Variants in HSD11B1L observed in about 807,000 individuals in gnomAD.
HSD11B1L encodes the protein hydroxysteroid 11-beta-dehydrogenase 1-like protein.
HSD11B1L carries 22 observed loss-of-function variants against 27.0 expected under a neutral mutation model. The ratio of observed to expected loss-of-function variants is 0.81; its 90% confidence interval spans 0.58 to 1.16. The LOEUF is 1.16. HSD11B1L is among the 50% of genes most tolerant of loss of function. HSD11B1L has a pLI of 0.00. For missense variants in HSD11B1L, 372 were observed against 401.8 expected (o/e 0.93, Z 0.63); for synonymous variants, 187 against 189.2 (o/e 0.99, Z 0.09).
intron 1 of HSD11B1L, among the ~76,000 whole-genome samples, chr19:5,682,099 G>A (rs770069990): frequency 1.1e-4 from 17 of 152,244 alleles, no homozygotes; most frequent in South Asian, 4.1e-4. Flanking sequence ...AGATGGGGCC[G>A]TGGGAGAGAA....
In HSD11B1L at chr19:5,684,974, C is replaced by T. The variant is rs372234338; in HGVS notation, c.74-15C>T. The stretch of plus-strand genomic sequence containing the variant: ...CCTGTCCTCCGCCCAGAGTGACCAC[C>T]CCGGCTATGGCCAGCCAGCCTCCAG... On this transcript the variant is annotated splice_polypyrimidine_tract_variant and intron_variant, in intron 2 of 7. Transcript: ENST00000339423. 11 of 1,611,400 alleles carry T rather than the reference C, an allele frequency of 6.8e-6. No individual in the cohort carries two copies. The highest frequency in any genetic ancestry group is 9.3e-6 in the Non-Finnish European group (11 of 1,179,012).
chr19:5,687,801 C>T lies in HSD11B1L; in HGVS notation c.717C>T (p.Ala239=), dbSNP rs569248499. ...KAAPGPKAAL[A]VIRGGATRAA... Reference sequence around the variant, plus strand: ...CCCCGGGGCCCAAGGCAGCCCTGGCCGTGATCCGCGGCGGCGCCACGCGCG... The same window carrying T: ...CCCCGGGGCCCAAGGCAGCCCTGGCTGTGATCCGCGGCGGCGCCACGCGCG... The change falls in exon 8 of 8, where the codon GCC becomes GCT. Residue 239 remains alanine (A), a synonymous_variant. Coordinates refer to ENST00000339423, the MANE Select transcript of HSD11B1L (RefSeq NM_198706.3). The surrounding 1 kb of genome is among the most constrained non-coding windows in gnomAD (Gnocchi z 6.6). 4.0e-6 allele frequency: 6 copies of T among 1,515,904 alleles called. No homozygotes were observed. The highest frequency in any genetic ancestry group is 2.8e-5 in the African/African-American group (2 of 71,784). 93.9% of individuals were successfully genotyped at this position (1,515,904 alleles called of 1,614,324 possible). A position where few individuals can be genotyped will look rare whatever the true frequency, so the allele number is the denominator to read the frequency against.
In HSD11B1L at chr19:5,688,445, C is replaced by T. The variant is rs2054767926; in HGVS notation, c.*500C>T. Reference sequence around the variant, plus strand: ...CGTCTACCTGGTGGCAGGGTCTGAGCGGGAGGAGGAGGGAAAGAGTGTGTT... The same window carrying T: ...CGTCTACCTGGTGGCAGGGTCTGAGTGGGAGGAGGAGGGAAAGAGTGTGTT... On this transcript the variant is annotated 3_prime_UTR_variant, in exon 8 of 8. Coordinates refer to ENST00000339423, the MANE Select transcript of HSD11B1L (RefSeq NM_198706.3). 1.3e-5 allele frequency: 7 copies of T among 529,322 alleles called. No homozygotes were observed. Among genetic ancestry groups the T allele is most frequent in the South Asian group, 2.5e-5 (1 of 40,000 alleles). The allele number at this position is 529,322 out of a possible 1,614,324, so 32.8% of individuals were successfully genotyped here.
At position 5,688,230 on chromosome 19, in the gene HSD11B1L, C is replaced by G; in HGVS notation, c.*285C>G. ...TGCTTCCATTTTGCAGATGAGGAAA[C>G]TAAGGCTCAGAGAGGCCACGCCACC... On this transcript the variant is annotated 3_prime_UTR_variant, in exon 8 of 8. Transcript: ENST00000339423. The G allele has an allele frequency of 7.9e-6, 12 of 1,526,342 alleles. No homozygotes were observed. Among genetic ancestry groups the G allele is most frequent in the Non-Finnish European group, 1.1e-5 (12 of 1,135,152 alleles). The allele number at this position is 1,526,342 out of a possible 1,614,324, so 94.5% of individuals were successfully genotyped here.
In HSD11B1L at chr19:5,687,365, C is replaced by T. The variant is rs2145559889; in HGVS notation, c.492C>T (p.Ser164=). Reference sequence around the variant, plus strand: ...GCAAGGGCTCCCTGGTGGTGGTGTCCTCGCTGCTCGGTGCGTGCACCCGGC... The same window carrying T: ...GCAAGGGCTCCCTGGTGGTGGTGTCTTCGCTGCTCGGTGCGTGCACCCGGC... ...TDSKGSLVVV[S]SLLGRVPTSF... is the part of the protein sequence containing the mutation. The change falls in exon 6 of 8, where the codon TCC becomes TCT. Residue 164 remains serine (S), a synonymous_variant. Coordinates refer to ENST00000339423, the MANE Select transcript of HSD11B1L (RefSeq NM_198706.3). The surrounding 1 kb of genome is among the most constrained non-coding windows in gnomAD (Gnocchi z 6.6). 1 of 1,612,172 alleles carries T rather than the reference C, an allele frequency of 6.2e-7. No individual in the cohort carries two copies. The highest frequency in any genetic ancestry group is 8.5e-7 in the Non-Finnish European group (1 of 1,179,682).
chr19:5,684,397 C>T (rs1264637454), intron 1 of HSD11B1L: 4 of 346,840 alleles, frequency 1.2e-5, no homozygotes, highest in Admixed American at 4.3e-5. Flanking sequence ...GCATTCTAGG[C>T]AGTAGGAACA....
Position 5,684,826 on chromosome 19 carries a change from C to G in HSD11B1L, c.-7C>G, listed in dbSNP as rs1599421711. The G allele has an allele frequency of 1.2e-6, 2 of 1,613,758 alleles. No homozygotes were observed. The highest frequency in any genetic ancestry group is 1.6e-4 in the Middle Eastern group (1 of 6,062). On this transcript the variant is annotated 5_prime_UTR_variant, in exon 2 of 8. Coordinates refer to ENST00000339423, the MANE Select transcript of HSD11B1L (RefSeq NM_198706.3). The stretch of plus-strand genomic sequence containing the variant: ...TCCCCTGTCCCTCTGCAGGCCCACA[C>G]AGGACCATGAAGGTGCTTCTCCTCA...
At chr19:5,684,680 G>A in intron 1 of HSD11B1L, 139 bp from the exon 2 acceptor site, 2 of 1,398,346 alleles carry the variant, frequency 1.4e-6, no homozygotes, top group South Asian at 2.7e-5. Flanking sequence ...AGCCACCGTG[G>A]TGGCCTGGAC....
rs2054715810 is a variant in HSD11B1L at position 5,687,081 on chromosome 19, G to A, written c.408+90G>A. 7.9e-7 allele frequency: 1 copy of A among 1,265,124 alleles called. No individual in the cohort carries two copies. 78.4% of individuals were successfully genotyped at this position (1,265,124 alleles called of 1,614,324 possible). ...CGCGGTCCGGGTTCTGCCTTCTCCA[G>A]GGAGGGCTCTCCACCCGTCCCGCCC... On this transcript the variant is annotated intron_variant, in intron 5 of 7. Coordinates refer to ENST00000339423, the MANE Select transcript of HSD11B1L (RefSeq NM_198706.3). This position sits in a 1 kb window ranked among gnomAD's most constrained non-coding sequence, Gnocchi z 6.6.
chr19:5,688,047 A>C lies in HSD11B1L; in HGVS notation c.*102A>C, dbSNP rs1480865346. 5.2e-6 allele frequency: 8 copies of C among 1,551,454 alleles called. No homozygotes were observed. Among genetic ancestry groups the C allele is most frequent in the Middle Eastern group, 1.7e-4 (1 of 6,014 alleles). Reference sequence around the variant, plus strand: ...GAGACACCCCTGAGAGGGTGGCCACAGCCCAAGATGAAGTCATCAAGACAG... The same window carrying C: ...GAGACACCCCTGAGAGGGTGGCCACCGCCCAAGATGAAGTCATCAAGACAG... On this transcript the variant is annotated 3_prime_UTR_variant, in exon 8 of 8. Coordinates refer to ENST00000339423, the MANE Select transcript of HSD11B1L (RefSeq NM_198706.3).
chr19:5,684,098 C>T, intron 1 of HSD11B1L: 2 of 460,356 alleles, frequency 4.3e-6, no homozygotes, highest in Non-Finnish European at 3.9e-6. Context: ...GCCTCAGCCT[C>T]CCAAATATCT....
Position 5,685,007 on chromosome 19 carries a change from G to A in HSD11B1L, c.92G>A (p.Arg31Gln), listed in dbSNP as rs759313781. 6.9e-6 allele frequency: 11 copies of A among 1,596,848 alleles called. No homozygotes were observed. Among genetic ancestry groups the A allele is most frequent in the Admixed American group, 1.8e-5 (1 of 56,630 alleles). The change falls in exon 3 of 8, where the codon CGA becomes CAA. Residue 31 changes from arginine (R) to glutamine (Q), a missense_variant. Arg to Gln is a conservative substitution (Grantham distance 43). Coordinates refer to ENST00000339423, the MANE Select transcript of HSD11B1L (RefSeq NM_198706.3). The surrounding 1 kb of genome is among the most constrained non-coding windows in gnomAD (Gnocchi z 4.3). ...NFDPASLQGARVLLTGANAGV... is the reference protein window; with the variant it reads ...NFDPASLQGAQVLLTGANAGV... ...TGGCCAGCCAGCCTCCAGGGAGCGC[G>A]AGTGCTGCTGACAGGGGCCAACGCT...
intron 1 of HSD11B1L, chr19:5,684,483 C>T (rs180678932): frequency 3.5e-5 from 16 of 461,600 alleles, no homozygotes; most frequent in Admixed American, 1.5e-4. Flanking sequence ...TTTAGTGGAG[C>T]GGAGTGAGCA....
rs1440150389 is a variant in HSD11B1L, at chr19:5,686,656, G to A, written c.316+129G>A. 10 of 768,612 alleles carry A rather than the reference G, an allele frequency of 1.3e-5. No individual in the cohort carries two copies. The East Asian group carries it at 2.2e-4, about 17-fold the overall frequency. 47.6% of individuals were successfully genotyped at this position (768,612 alleles called of 1,614,324 possible). On this transcript the variant is annotated intron_variant, in intron 4 of 7. Transcript: ENST00000339423. ...GGGCGGAGACAAATGGGGACTGGGG[G>A]CGTGGGCGGGGTGGAGTCTCATTGC...
chr19:5,688,421 G>T lies in HSD11B1L; in HGVS notation c.*476G>T, dbSNP rs962021601. The T allele has an allele frequency of 1.8e-6, 1 of 564,512 alleles. No homozygotes were observed. Among genetic ancestry groups the T allele is most frequent in the South Asian group, 2.3e-5 (1 of 43,860 alleles). 35.0% of individuals were successfully genotyped at this position (564,512 alleles called of 1,614,324 possible). A position where few individuals can be genotyped will look rare whatever the true frequency, so the allele number is the denominator to read the frequency against. ...ACCTGCAGGGGCGTCTACACTGTTC[G>T]TCTACCTGGTGGCAGGGTCTGAGCG... On this transcript the variant is annotated 3_prime_UTR_variant, in exon 8 of 8. Coordinates refer to ENST00000339423, the MANE Select transcript of HSD11B1L (RefSeq NM_198706.3).
In HSD11B1L at chr19:5,687,223, T is replaced by TG. The variant is rs2054721235; in HGVS notation, c.409-57dup. The TG allele has an allele frequency of 5.1e-6, 8 of 1,568,906 alleles. No individual in the cohort carries two copies. The highest frequency in any genetic ancestry group is 6.9e-6 in the Non-Finnish European group (8 of 1,151,812). On this transcript the variant is annotated intron_variant, in intron 5 of 7. Transcript: ENST00000339423. The surrounding 1 kb of genome is among the most constrained non-coding windows in gnomAD (Gnocchi z 6.6). ...GCCCTGGCCCCGCCCTCTGGGTTTCTGGCCCCGCCCTGCCCCTGGGCTCCG... is the reference window on the plus strand; with the variant it reads ...GCCCTGGCCCCGCCCTCTGGGTTTCTGGGCCCCGCCCTGCCCCTGGGCTCCG...
intron 4 of HSD11B1L, 30 bp downstream of exon 4, chr19:5,686,557 C>T (rs753112042): frequency 4.6e-6 from 7 of 1,523,976 alleles, no homozygotes; most frequent in African/African-American, 4.1e-5. Context: ...GCCTGGAGTC[C>T]GGGACCGTGG....
Position 5,688,360 on chromosome 19 carries a change from C to A in HSD11B1L, c.*415C>A. 1 of 655,012 alleles carries A rather than the reference C, an allele frequency of 1.5e-6. No individual in the cohort carries two copies. The highest frequency in any genetic ancestry group is 2.6e-6 in the Non-Finnish European group (1 of 387,040). The allele number at this position is 655,012 out of a possible 1,614,324, so 40.6% of individuals were successfully genotyped here. A position where few individuals can be genotyped will look rare whatever the true frequency, so the allele number is the denominator to read the frequency against. On this transcript the variant is annotated 3_prime_UTR_variant, in exon 8 of 8. Transcript: ENST00000339423. Reference sequence around the variant, plus strand: ...TGGGAGGAACCCCCCCAACTCCTGCCAGCTTCCCCTAGCTGGGGTCTCTGG... The same window carrying A: ...TGGGAGGAACCCCCCCAACTCCTGCAAGCTTCCCCTAGCTGGGGTCTCTGG...
At chr19:5,686,658 G>T in intron 4 of HSD11B1L, 131 bp downstream of exon 4, 1 of 743,092 alleles carries the variant, frequency 1.3e-6, no homozygotes. Context: ...GACTGGGGGC[G>T]TGGGCGGGGT....
Sources: allele counts gnomAD v4.1 joint callset (sites outside exome capture counted in the v4.1 genomes callset), GRCh38; gene constraint gnomAD v4.1.1; non-coding constraint Gnocchi (gnomAD v3.1); transcripts MANE v1.5; gene names NCBI Gene and HGNC (gene_info 2026-07-23, HGNC 2026-07-21).